The following THEMIS variants were observed in gnomAD, a reference collection of about 807,000 sequenced individuals.
THEMIS encodes thymocyte selection associated, also known as protein THEMIS.
THEMIS carries 37 observed loss-of-function variants against 52.6 expected under a neutral mutation model. That is an observed-to-expected ratio of 0.70 (90% confidence interval 0.54 to 0.93). The LOEUF (loss-of-function observed/expected upper bound fraction) is 0.93, where lower values mean the gene tolerates loss of function less well. Ranked by LOEUF, THEMIS falls within the 40% of genes least tolerant of loss-of-function variation. The pLI, the probability that THEMIS is intolerant of heterozygous loss-of-function variation, is 0.00. For synonymous variants in THEMIS, 292 were observed against 272.7 expected, an observed-to-expected ratio of 1.07 and a Z score of -0.70; for missense variants, 808 against 763.1, an observed-to-expected ratio of 1.06 and a Z score of -0.69.
downstream of THEMIS, among the ~76,000 whole-genome samples, chr6:127,703,254 A>T (rs1773751149): frequency 6.6e-6 from 1 of 151,676 alleles, no homozygotes; most frequent in East Asian, 1.9e-4. Flanking sequence ...TCACCGTTTT[A>T]GCCGGGATGG....
intron 4 of THEMIS, among the ~76,000 whole-genome samples, chr6:127,762,769 T>C (rs781671015): frequency 6.6e-6 from 1 of 152,120 alleles, no homozygotes; most frequent in East Asian, 1.9e-4. Flanking sequence ...AATTAGCCTA[T>C]GGAATTGGCA....
In THEMIS at chr6:127,795,516, G is replaced by A. The variant is rs553629376; in HGVS notation, c.1758+17367C>T. Among the ~76,000 whole-genome samples, 4 of 152,260 alleles carry A rather than the reference G, an allele frequency of 2.6e-5. No individual in the cohort carries two copies. In the South Asian group the frequency reaches 8.3e-4, roughly 32 times the overall value. On this transcript the variant is annotated intron_variant, in intron 4 of 5. Transcript: ENST00000368248. Reference sequence around the variant, plus strand: ...GCTAATTTTTTGTATTTTTAGTAAAGATGGGGTTTCACCTTGTTAGCCAGG... The same window carrying A: ...GCTAATTTTTTGTATTTTTAGTAAAAATGGGGTTTCACCTTGTTAGCCAGG...
At chr6:127,740,029 C>T (rs1775144859) in intron 4 of THEMIS, among the ~76,000 whole-genome samples, 1 of 152,108 alleles carries the variant, frequency 6.6e-6, no homozygotes, top group Non-Finnish European at 1.5e-5. Context: ...TGGCTGTACC[C>T]ACGGGCATGT....
chr6:127,868,432 A>C, intron 1 of THEMIS: 2 of 985,324 alleles, frequency 2.0e-6, no homozygotes, highest in Non-Finnish European at 2.4e-6. Flanking sequence ...GAGAAGATGG[A>C]CTTAGATTGG....
At chr6:127,750,191 A>G (rs1022403539) in intron 4 of THEMIS, among the ~76,000 whole-genome samples, 23 of 151,556 alleles carry the variant, frequency 1.5e-4, no homozygotes, top group Admixed American at 4.6e-4. Context: ...GAGAAAAATT[A>G]CTGATATTTC....
At chr6:127,912,351 G>T (rs1037805495) in intron 1 of THEMIS, among the ~76,000 whole-genome samples, 1 of 152,144 alleles carries the variant, frequency 6.6e-6, no homozygotes, top group Non-Finnish European at 1.5e-5. Flanking sequence ...CCTTGTTTCA[G>T]ATGAGGCCGA....
At chr6:127,910,711 AC>A (rs1781390991) in intron 1 of THEMIS, among the ~76,000 whole-genome samples, 1 of 152,214 alleles carries the variant, frequency 6.6e-6, no homozygotes, top group Admixed American at 6.5e-5. Context: ...CCATACAAAC[AC>A]CTGTTTCCTT....
At chr6:127,703,871 T>G (rs996117677), downstream of THEMIS, among the ~76,000 whole-genome samples, 5 of 152,120 alleles carry the variant, frequency 3.3e-5, no homozygotes, top group African/African-American at 2.4e-5. Flanking sequence ...GAACAGAAAT[T>G]TATTGCTCAC....
At chr6:127,742,357 A>C (rs920505904) in intron 4 of THEMIS, among the ~76,000 whole-genome samples, 13 of 150,320 alleles carry the variant, frequency 8.6e-5, no homozygotes, top group South Asian at 4.2e-4. Flanking sequence ...AAAAAACAAA[A>C]AAACAAAACA....
chr6:127,885,482 A>C (rs921673045), intron 1 of THEMIS, among the ~76,000 whole-genome samples: 14 of 152,110 alleles, frequency 9.2e-5, no homozygotes, highest in African/African-American at 3.1e-4. Flanking sequence ...AAAATAAAAA[A>C]AACTATCTAC....
At position 127,710,036 on chromosome 6, in the gene THEMIS, G is replaced by C; in HGVS notation, c.1895-20C>G. 1 of 1,519,558 alleles carries C rather than the reference G, an allele frequency of 6.6e-7. No individual in the cohort carries two copies. 94.1% of individuals were successfully genotyped at this position (1,519,558 alleles called of 1,614,324 possible). ...ATGTTTCTATAAATAAAAAAAGAAG[G>C]GTTTATCAGAAATAAGTATTGAAAA... On this transcript the variant is annotated intron_variant, in intron 5 of 5. Transcript: ENST00000368248.
chr6:127,701,086 G>T, the THEMIS span, among the ~76,000 whole-genome samples: 2 of 151,956 alleles, frequency 1.3e-5, no homozygotes, highest in African/African-American at 4.8e-5. Flanking sequence ...TGTATATTTT[G>T]ATATAACCAT....
In THEMIS at chr6:127,813,336, T is replaced by C; in HGVS notation, c.1305A>G (p.Val435=). Residue 435 remains valine, a synonymous_variant, in exon 4 of 6, where the codon GTA becomes GTG. Coordinates refer to ENST00000368248, the MANE Select transcript of THEMIS (RefSeq NM_001010923.3). ...LLPLYMEGGF[V]EVIHDKKQYP... ...ACTGTTTCTTATCATGAATCACCTCTACAAAACCTCCTTCCATGTACAAAG... is the reference window on the plus strand; with the variant it reads ...ACTGTTTCTTATCATGAATCACCTCCACAAAACCTCCTTCCATGTACAAAG... 1 of 1,614,152 alleles carries C rather than the reference T, an allele frequency of 6.2e-7. No homozygotes were observed. Among genetic ancestry groups the C allele is most frequent in the Non-Finnish European group, 8.5e-7 (1 of 1,180,036 alleles).
chr6:127,778,931 A>G (rs1481311789), intron 4 of THEMIS, among the ~76,000 whole-genome samples: 1 of 151,666 alleles, frequency 6.6e-6, no homozygotes, highest in Non-Finnish European at 1.5e-5. Flanking sequence ...TTATGATGCT[A>G]ATTTTATTAT....
At chr6:127,786,612 T>C (rs1243292130) in intron 4 of THEMIS, among the ~76,000 whole-genome samples, 2 of 152,192 alleles carry the variant, frequency 1.3e-5, no homozygotes, top group Non-Finnish European at 2.9e-5. Context: ...GGCATGTTAC[T>C]ATGCTTGTTT....
At chr6:127,861,783 CAAAAA>C (rs1225783673) in intron 1 of THEMIS, among the ~76,000 whole-genome samples, 16 of 95,704 alleles carry the variant, frequency 1.7e-4, no homozygotes, top group Admixed American at 4.3e-4. Context: ...GACTCCATCT[CAAAAA>C]AAAAAAAAAA....
chr6:127,697,608 A>T, the THEMIS span, among the ~76,000 whole-genome samples: 3 of 152,068 alleles, frequency 2.0e-5, no homozygotes, highest in Admixed American at 1.3e-4. Context: ...CTATTCTCCA[A>T]TTCAAGAACC....
chr6:127,820,293 G>A (rs1778293205), intron 3 of THEMIS, among the ~76,000 whole-genome samples: 1 of 151,946 alleles, frequency 6.6e-6, no homozygotes. Flanking sequence ...GAAAGGCATG[G>A]CCACAACATG....
At chr6:127,810,326 C>G (rs966532731) in intron 4 of THEMIS, among the ~76,000 whole-genome samples, 2 of 152,140 alleles carry the variant, frequency 1.3e-5, no homozygotes, top group African/African-American at 4.8e-5. Flanking sequence ...TCATTCTCCT[C>G]CCAACTGCTA....
Sources: allele counts gnomAD v4.1 joint callset (sites outside exome capture counted in the v4.1 genomes callset), GRCh38; gene constraint gnomAD v4.1.1; transcripts MANE v1.5; gene names NCBI Gene and HGNC (gene_info 2026-07-23, HGNC 2026-07-21).